CRYZL1: variants seen among roughly 807,000 people sequenced by gnomAD.
CRYZL1 encodes crystallin zeta like 1, also known as ferry endosomal RAB5 effector complex subunit 4.
A neutral mutation model predicts 50.6 loss-of-function variants in CRYZL1; 34 were observed. The ratio of observed to expected loss-of-function variants is 0.67; its 90% CI spans 0.51 to 0.89. The LOEUF is 0.89. CRYZL1 is among the 40% of genes least tolerant of loss of function. CRYZL1 has a pLI of 0.00. For synonymous variants in CRYZL1, 125 were observed against 134.3 expected (o/e 0.93, Z 0.48); for missense variants, 354 against 402.3 (o/e 0.88, Z 1.03).
At chr21:33,631,006 G>A (rs1348592007) in intron 2 of CRYZL1, among the ~76,000 whole-genome samples, 1 of 152,180 alleles carries the variant, frequency 6.6e-6, no homozygotes, top group Non-Finnish European at 1.5e-5. Context: ...TAAAGGGGTG[G>A]GAGCTGGGGA....
At chr21:33,613,308 A>G (rs2086892624) in intron 6 of CRYZL1, among the ~76,000 whole-genome samples, 1 of 152,248 alleles carries the variant, frequency 6.6e-6, no homozygotes, top group South Asian at 2.1e-4. Context: ...CAGTGTTAGT[A>G]AAACTTAAAG....
chr21:33,619,360 C>T (rs1016366634), intron 4 of CRYZL1, among the ~76,000 whole-genome samples: 1 of 152,174 alleles, frequency 6.6e-6, no homozygotes, highest in Admixed American at 6.5e-5. Flanking sequence ...GACTCGTTTG[C>T]CTTACATCCA....
chr21:33,597,359 T>C lies in CRYZL1; in HGVS notation c.719A>G (p.Gln240Arg). ...GATATCATGTTTATGTGGTAGTAGT[T>C]GTAGTTTTACAGCTGGTTCATCATC... Reference protein sequence around the residue: ...SKDDEPAVKLQLLPHKHDIIT... With the variant: ...SKDDEPAVKLRLLPHKHDIIT... The change falls in exon 10 of 13, where the codon CAA (glutamine) becomes CGA (arginine). Residue 240 changes from glutamine to arginine, a missense_variant. By Grantham distance (43) the Gln-to-Arg change is conservative. Transcript: ENST00000381554. 1 of 1,606,804 alleles carries C rather than the reference T, an allele frequency of 6.2e-7. No individual in the cohort carries two copies. Among genetic ancestry groups the C allele is most frequent in the Non-Finnish European group, 8.5e-7 (1 of 1,173,334 alleles).
intron 4 of CRYZL1, among the ~76,000 whole-genome samples, chr21:33,619,571 T>C (rs548945638): frequency 2.6e-5 from 4 of 152,172 alleles, no homozygotes; most frequent in Non-Finnish European, 5.9e-5. Context: ...TCTTTTTCTT[T>C]TTTTTCTTTT....
At chr21:33,612,836 C>A (rs936494505) in intron 6 of CRYZL1, among the ~76,000 whole-genome samples, 3 of 151,076 alleles carry the variant, frequency 2.0e-5, no homozygotes, top group African/African-American at 7.3e-5. Flanking sequence ...GATAAGTGCT[C>A]TTTTTTTTTC....
chr21:33,641,352 A>G, intron 1 of CRYZL1: 1 of 1,523,130 alleles, frequency 6.6e-7, no homozygotes, highest in Non-Finnish European at 8.8e-7. Context: ...AATTCTAGGA[A>G]CAAGAAGCAG....
intron 6 of CRYZL1, 40 bp downstream of exon 6, chr21:33,613,498 A>T: frequency 7.7e-7 from 1 of 1,306,622 alleles, no homozygotes; most frequent in Non-Finnish European, 1.1e-6. Flanking sequence ...TCAGTGAAGT[A>T]AGACTTATGT....
chr21:33,634,880 A>ATATATATAT (rs1491448633), intron 1 of CRYZL1, among the ~76,000 whole-genome samples: 34 of 144,430 alleles, frequency 2.4e-4, no homozygotes, highest in South Asian at 6.5e-4. Flanking sequence ...CAACAACAAC[A>ATATATATAT]ATATATATAT....
intron 2 of CRYZL1, among the ~76,000 whole-genome samples, chr21:33,628,197 A>G (rs2145955603): frequency 6.6e-6 from 1 of 152,292 alleles, no homozygotes; most frequent in African/African-American, 2.4e-5. Flanking sequence ...AGGAACTAAA[A>G]ACTCTTTTGC....
chr21:33,593,184 G>A (rs1420647071), intron 11 of CRYZL1, among the ~76,000 whole-genome samples: 3 of 151,978 alleles, frequency 2.0e-5, no homozygotes, highest in African/African-American at 4.8e-5. Context: ...TCGGCTCACT[G>A]CAAGCTCCGC....
In CRYZL1 at chr21:33,599,238, A is replaced by T; in HGVS notation, c.588T>A (p.Ile196=). The change falls in exon 9 of 13, where the codon ATT becomes ATA. Residue 196 remains isoleucine (I), a synonymous_variant. Transcript: ENST00000381554. ...ERFRPPIARV[I]DVSNGKVHVA... ...CATGAACTTTCCCATTAGATACATC[A>T]ATCACTCGGGCTGTAAAGGACAGGA... The T allele has an allele frequency of 6.2e-7, 1 of 1,613,776 alleles. No homozygotes were observed. The highest frequency in any genetic ancestry group is 8.5e-7 in the Non-Finnish European group (1 of 1,179,682).
rs750448957 is a variant in CRYZL1 at position 33,595,725 on chromosome 21, G to A, written c.904+6C>T. ...CAGAAACTCAATCAGTCGATAAAAA[G>A]GATATAAAGATATTTTCCCTGTTGT... On this transcript the variant is annotated splice_donor_region_variant and intron_variant, in intron 11 of 12. Coordinates refer to ENST00000381554, the MANE Select transcript of CRYZL1 (RefSeq NM_145858.3). 6.2e-7 allele frequency: 1 copy of A among 1,612,040 alleles called. No individual in the cohort carries two copies. Among genetic ancestry groups the A allele is most frequent in the African/African-American group, 1.3e-5 (1 of 74,866 alleles).
At chr21:33,636,683 A>T (rs912506597) in intron 1 of CRYZL1, among the ~76,000 whole-genome samples, 4 of 152,240 alleles carry the variant, frequency 2.6e-5, no homozygotes, top group African/African-American at 9.6e-5. Context: ...GTTAATAAAA[A>T]TACTGATCTG....
intron 1 of CRYZL1, chr21:33,640,270 C>G (rs2087264656): frequency 3.3e-6 from 5 of 1,527,386 alleles, no homozygotes; most frequent in Non-Finnish European, 4.4e-6. Context: ...AACTACCTCA[C>G]TTTCAAATCT....
At chr21:33,626,016 C>G (rs949642774) in intron 2 of CRYZL1, among the ~76,000 whole-genome samples, 2 of 151,654 alleles carry the variant, frequency 1.3e-5, no homozygotes, top group Middle Eastern at 3.5e-3. Context: ...TGCAGTGGCG[C>G]AATCTCAGCT....
chr21:33,632,850 A>T (rs1289316489), intron 1 of CRYZL1, among the ~76,000 whole-genome samples: 2 of 152,258 alleles, frequency 1.3e-5, no homozygotes, highest in Non-Finnish European at 2.9e-5. Context: ...GAATATGCCC[A>T]CATCATGGCA....
intron 7 of CRYZL1, among the ~76,000 whole-genome samples, chr21:33,602,767 T>C (rs988593713): frequency 6.6e-5 from 10 of 152,234 alleles, no homozygotes; most frequent in Non-Finnish European, 1.0e-4. Flanking sequence ...ACCTATAGGG[T>C]AAGTTTGGGG....
intron 6 of CRYZL1, among the ~76,000 whole-genome samples, chr21:33,609,659 A>G (rs1186921940): frequency 3.3e-5 from 5 of 150,334 alleles, no homozygotes; most frequent in African/African-American, 1.2e-4. Flanking sequence ...TGATCTTGCT[A>G]TGTTGCCCAT....
At chr21:33,592,019 C>A (rs1033107110) in intron 11 of CRYZL1, among the ~76,000 whole-genome samples, 3 of 151,606 alleles carry the variant, frequency 2.0e-5, no homozygotes, top group African/African-American at 7.3e-5. Context: ...CGAGGCACAT[C>A]TCCATTATAC....
Sources: allele counts gnomAD v4.1 joint callset (sites outside exome capture counted in the v4.1 genomes callset), GRCh38; gene constraint gnomAD v4.1.1; transcripts MANE v1.5; gene names NCBI Gene and HGNC (gene_info 2026-07-23, HGNC 2026-07-21).